FGFR2: variants seen among roughly 807,000 people sequenced by gnomAD.
FGFR2 encodes the protein fibroblast growth factor receptor 2.
In FGFR2, 19 loss-of-function variants were observed where a neutral mutation model predicts 95.9. The observed-to-expected ratio is 0.20, with a 90% CI of 0.14 to 0.29. FGFR2 has a LOEUF of 0.29. Among genes scored for constraint, FGFR2 ranks in the 10% least tolerant of loss-of-function variants. FGFR2 has a pLI of 1.00. For missense variants in FGFR2, 707 were observed against 1,056.9 expected, an observed-to-expected ratio of 0.67 and a Z score of 4.59; for synonymous variants, 392 against 393.3, an observed-to-expected ratio of 1.00 and a Z score of 0.04.
At chr10:121,506,604 G>A (rs1334987248) in intron 9 of FGFR2, among the ~76,000 whole-genome samples, 1 of 152,136 alleles carries the variant, frequency 6.6e-6, no homozygotes, top group African/African-American at 2.4e-5. Flanking sequence ...CAGAGGCAGA[G>A]GCATGGCTGG....
chr10:121,540,929 C>T (rs1383282485), intron 5 of FGFR2, among the ~76,000 whole-genome samples: 1 of 152,084 alleles, frequency 6.6e-6, no homozygotes, highest in Non-Finnish European at 1.5e-5. Context: ...GAGGGGACAT[C>T]GCCTGACTCG....
intron 4 of FGFR2, among the ~76,000 whole-genome samples, chr10:121,564,038 C>T (rs1857325732): frequency 2.0e-5 from 3 of 152,212 alleles, no homozygotes; most frequent in Admixed American, 1.3e-4. Flanking sequence ...CCCTCCCCAG[C>T]TAAAGGCCAC....
chr10:121,569,015 C>T (rs36048667), intron 2 of FGFR2, among the ~76,000 whole-genome samples: 6,008 of 152,138 alleles, frequency 0.039, 166 homozygotes, highest in Middle Eastern at 0.071. Context: ...GGTAAGAGTA[C>T]CCAAATACTG....
chr10:121,511,119 C>T (rs1849001167), intron 9 of FGFR2, among the ~76,000 whole-genome samples: 1 of 151,860 alleles, frequency 6.6e-6, no homozygotes, highest in South Asian at 2.1e-4. Flanking sequence ...CTTGATTTTT[C>T]TCTGGTTTTC....
chr10:121,479,741 C>G lies in FGFR2; in HGVS notation c.*116G>C. ...TGCTGATTACTTTTCCAATTATTTACTCCTCTGATCCATATATACAAGTGG... is the reference window on the plus strand; with the variant it reads ...TGCTGATTACTTTTCCAATTATTTAGTCCTCTGATCCATATATACAAGTGG... On this transcript the variant is annotated 3_prime_UTR_variant, in exon 18 of 18. Transcript: ENST00000358487. 5 of 1,611,602 alleles carry G rather than the reference C, an allele frequency of 3.1e-6. No individual in the cohort carries two copies. Among genetic ancestry groups the G allele is most frequent in the Non-Finnish European group, 4.2e-6 (5 of 1,178,224 alleles).
intron 6 of FGFR2, among the ~76,000 whole-genome samples, chr10:121,530,809 T>C (rs561452749): frequency 3.3e-5 from 5 of 152,288 alleles, no homozygotes; most frequent in African/African-American, 1.2e-4. Context: ...CACACGCTGA[T>C]AGAAACCTCG....
intron 12 of FGFR2, among the ~76,000 whole-genome samples, chr10:121,498,255 G>A (rs553530107): frequency 4.6e-5 from 7 of 152,258 alleles, no homozygotes; most frequent in Middle Eastern, 3.4e-3. Flanking sequence ...AAACAGCAGC[G>A]CCCTCTAGGC....
intron 15 of FGFR2, among the ~76,000 whole-genome samples, chr10:121,486,204 T>A (rs1374156668): frequency 6.6e-6 from 1 of 152,182 alleles, no homozygotes; most frequent in Non-Finnish European, 1.5e-5. Flanking sequence ...TTTAGCTACA[T>A]CATGGTCGTT....
chr10:121,491,023 G>A (rs1846062245), intron 13 of FGFR2, among the ~76,000 whole-genome samples: 1 of 152,158 alleles, frequency 6.6e-6, no homozygotes, highest in Non-Finnish European at 1.5e-5. Context: ...TCCAAGCCCC[G>A]GGCCAAACTC....
chr10:121,581,152 G>A (rs369468088), intron 2 of FGFR2, among the ~76,000 whole-genome samples: 2 of 152,184 alleles, frequency 1.3e-5, no homozygotes, highest in South Asian at 4.1e-4. Context: ...AGGCCGCCGG[G>A]ATGCCCTTGA....
chr10:121,488,983 A>G (rs1037168368), intron 13 of FGFR2, among the ~76,000 whole-genome samples: 1 of 151,750 alleles, frequency 6.6e-6, no homozygotes, highest in Admixed American at 6.6e-5. Flanking sequence ...ACGTCCTCCA[A>G]CTCCTCAGTT....
intron 9 of FGFR2, among the ~76,000 whole-genome samples, chr10:121,509,496 TTTTTTTTTTTTTTG>T (rs1218349412): frequency 1.1e-4 from 12 of 111,862 alleles, no homozygotes; most frequent in Admixed American, 2.9e-4. Context: ...TTTTTTTTTT[TTTTTTTTTTTTTTG>T]GTTTGAGACA....
chr10:121,510,049 C>T (rs1848852353), intron 9 of FGFR2, among the ~76,000 whole-genome samples: 1 of 152,140 alleles, frequency 6.6e-6, no homozygotes, highest in Non-Finnish European at 1.5e-5. Flanking sequence ...CCACCACTCC[C>T]CTATGGCCAA....
At chr10:121,498,342 G>A (rs1213907702) in intron 12 of FGFR2, among the ~76,000 whole-genome samples, 153 bp downstream of exon 12, 1 of 152,164 alleles carries the variant, frequency 6.6e-6, no homozygotes, top group Non-Finnish European at 1.5e-5. Context: ...TTGTGTTCAT[G>A]GCTAGGAACA....
At chr10:121,541,862 T>C (rs576085055) in intron 5 of FGFR2, among the ~76,000 whole-genome samples, 5 of 152,358 alleles carry the variant, frequency 3.3e-5, no homozygotes. Context: ...TGGTACCTAT[T>C]AAAATTAGCA....
rs2135090527 is a variant in FGFR2 at position 121,564,567 on chromosome 10, G to A, written c.389C>T (p.Ser130Phe). 6.2e-7 allele frequency: 1 copy of A among 1,613,862 alleles called. No homozygotes were observed. The highest frequency in any genetic ancestry group is 8.5e-7 in the Non-Finnish European group (1 of 1,179,940). Reference sequence around the variant, plus strand: ...ATCGGTGTCATCCTCATCATCTCCGGATGAGATGGCATCTGTATGCAAAAG... The same window carrying A: ...ATCGGTGTCATCCTCATCATCTCCGAATGAGATGGCATCTGTATGCAAAAG... ...FMVNVTDAISSGDDEDDTDGA... is the reference protein window; with the variant it reads ...FMVNVTDAISFGDDEDDTDGA... Residue 130 changes from serine (S) to phenylalanine (F), a missense_variant, in exon 4 of 18, where the codon TCC becomes TTC. Coordinates refer to ENST00000358487, the MANE Select transcript of FGFR2 (RefSeq NM_000141.5).
At chr10:121,533,680 C>G (rs1286436513) in intron 6 of FGFR2, among the ~76,000 whole-genome samples, 1 of 152,210 alleles carries the variant, frequency 6.6e-6, no homozygotes, top group Admixed American at 6.5e-5. Flanking sequence ...GGTGGGGTGA[C>G]AGCAGCACCT....
chr10:121,572,479 C>T (rs1008019238), intron 2 of FGFR2, among the ~76,000 whole-genome samples: 3 of 152,012 alleles, frequency 2.0e-5, no homozygotes, highest in Non-Finnish European at 4.4e-5. Context: ...ATTAGCTGGG[C>T]GTGGTGGCAT....
chr10:121,532,718 A>C (rs146925556), intron 6 of FGFR2, among the ~76,000 whole-genome samples: 6 of 152,068 alleles, frequency 3.9e-5, no homozygotes, highest in African/African-American at 1.4e-4. Context: ...TCCACTGGGG[A>C]TGGGCTGCCA....
Sources: allele counts gnomAD v4.1 joint callset (sites outside exome capture counted in the v4.1 genomes callset), GRCh38; gene constraint gnomAD v4.1.1; transcripts MANE v1.5; gene names NCBI Gene and HGNC (gene_info 2026-07-23, HGNC 2026-07-21).